Variants in PALLD observed in about 807,000 individuals in gnomAD.
The protein encoded by PALLD is palladin.
A neutral mutation model predicts 123.5 loss-of-function variants in PALLD; 61 were observed. That is an observed-to-expected ratio of 0.49 (90% confidence interval 0.40 to 0.61). PALLD has a LOEUF of 0.61. Ranked by LOEUF, PALLD falls within the 20% of genes least tolerant of loss-of-function variation. The pLI, the probability that PALLD is intolerant of heterozygous loss-of-function variation, is 0.00. For missense variants in PALLD, 1,273 were observed against 1,377.0 expected (o/e 0.92, Z 1.20); for synonymous variants, 465 against 496.4 (o/e 0.94, Z 0.84).
chr4:168,695,389 G>A (rs1441444553), intron 8 of PALLD, among the ~76,000 whole-genome samples: 1 of 152,184 alleles, frequency 6.6e-6, no homozygotes, highest in African/African-American at 2.4e-5. Context: ...CACCAAGAGT[G>A]TGACAGGATG....
chr4:168,577,163 A>G (rs1235001764), intron 2 of PALLD, among the ~76,000 whole-genome samples: 1 of 152,188 alleles, frequency 6.6e-6, no homozygotes, highest in Non-Finnish European at 1.5e-5. Flanking sequence ...AGTGAGGTAC[A>G]GAAACAGCTG....
chr4:168,785,348 TC>T (rs1304555558), intron 10 of PALLD, among the ~76,000 whole-genome samples: 1 of 152,232 alleles, frequency 6.6e-6, no homozygotes, highest in Admixed American at 6.5e-5. Context: ...CTCTACTGGT[TC>T]CAAGTTCACT....
chr4:168,876,958 A>C (rs964426603), intron 10 of PALLD, among the ~76,000 whole-genome samples: 3 of 152,202 alleles, frequency 2.0e-5, no homozygotes, highest in Non-Finnish European at 2.9e-5. Flanking sequence ...CAGAAATAAA[A>C]ATTTGAACTA....
intron 10 of PALLD, among the ~76,000 whole-genome samples, chr4:168,827,132 C>G (rs1283253076): frequency 6.6e-6 from 1 of 152,202 alleles, no homozygotes; most frequent in Non-Finnish European, 1.5e-5. Flanking sequence ...TAAGTACAAA[C>G]AGTCCCATTT....
chr4:168,895,707 G>T (rs1276301032), intron 12 of PALLD, among the ~76,000 whole-genome samples: 1 of 152,220 alleles, frequency 6.6e-6, no homozygotes, highest in East Asian at 1.9e-4. Context: ...AGGGGTTGCA[G>T]AAGCGGAAGA....
intron 10 of PALLD, among the ~76,000 whole-genome samples, chr4:168,785,246 C>T (rs991364982): frequency 9.2e-5 from 14 of 151,958 alleles, no homozygotes; most frequent in East Asian, 5.8e-4. Context: ...TGTGCGCTCT[C>T]GGATGCTAGC....
At chr4:168,810,452 C>T (rs1025002429) in intron 10 of PALLD, among the ~76,000 whole-genome samples, 13 of 151,916 alleles carry the variant, frequency 8.6e-5, no homozygotes, top group Admixed American at 2.6e-4. Context: ...GTCAGGAGTT[C>T]GAGACCAGCC....
intron 10 of PALLD, among the ~76,000 whole-genome samples, chr4:168,789,482 G>A (rs188466084): frequency 7.7e-4 from 117 of 152,158 alleles, no homozygotes; most frequent in African/African-American, 2.6e-3. Context: ...CGAGGCAGGC[G>A]GATCACAAGG....
intron 2 of PALLD, among the ~76,000 whole-genome samples, chr4:168,619,792 G>T (rs564042296): frequency 1.2e-4 from 18 of 152,256 alleles, no homozygotes; most frequent in African/African-American, 4.3e-4. Flanking sequence ...TTCCTTAAAA[G>T]GACTAAATTC....
At chr4:168,586,681 G>C (rs1333054355) in intron 2 of PALLD, among the ~76,000 whole-genome samples, 2 of 152,150 alleles carry the variant, frequency 1.3e-5, no homozygotes, top group Non-Finnish European at 2.9e-5. Flanking sequence ...TGGTGGCAGA[G>C]CTGATTGCTT....
chr4:168,908,299 C>A (rs1758229662), intron 15 of PALLD, among the ~76,000 whole-genome samples: 1 of 152,078 alleles, frequency 6.6e-6, no homozygotes, highest in Non-Finnish European at 1.5e-5. Flanking sequence ...GCATTTAAAC[C>A]ATGACCAGTG....
At chr4:168,840,285 A>G (rs540257355) in intron 10 of PALLD, among the ~76,000 whole-genome samples, 225 of 152,314 alleles carry the variant, frequency 1.5e-3, no homozygotes, top group Middle Eastern at 6.8e-3. Context: ...ACCCAGGAAC[A>G]AGAGATAAGG....
chr4:168,587,837 A>G (rs17054368), intron 2 of PALLD, among the ~76,000 whole-genome samples: 56 of 152,218 alleles, frequency 3.7e-4, no homozygotes, highest in African/African-American at 1.3e-3. Context: ...AACAGCACTC[A>G]GATGATTCAT....
intron 2 of PALLD, among the ~76,000 whole-genome samples, chr4:168,539,536 C>T (rs946825274): frequency 1.7e-4 from 26 of 151,334 alleles, no homozygotes; most frequent in African/African-American, 5.8e-4. Flanking sequence ...TGCAGTGAGC[C>T]GAGATGGCGC....
intron 10 of PALLD, among the ~76,000 whole-genome samples, chr4:168,740,326 CT>C (rs748666753): frequency 6.6e-6 from 1 of 152,332 alleles, no homozygotes; most frequent in Non-Finnish European, 1.5e-5. Flanking sequence ...CTTACTTCTT[CT>C]CTTCAGTGTC....
At chr4:168,772,026 A>G (rs1317928422) in intron 10 of PALLD, among the ~76,000 whole-genome samples, 1 of 152,196 alleles carries the variant, frequency 6.6e-6, no homozygotes, top group Non-Finnish European at 1.5e-5. Context: ...TACTCTATCC[A>G]TTTATGGTTG....
chr4:168,610,230 C>T (rs1773599772), intron 2 of PALLD, among the ~76,000 whole-genome samples: 1 of 152,134 alleles, frequency 6.6e-6, no homozygotes, highest in Non-Finnish European at 1.5e-5. Context: ...CCTTGGCAGT[C>T]TCAGTGTTTT....
At chr4:168,571,880 AT>A (rs1269980937) in intron 2 of PALLD, among the ~76,000 whole-genome samples, 2 of 152,138 alleles carry the variant, frequency 1.3e-5, no homozygotes, top group African/African-American at 4.8e-5. Flanking sequence ...GAGTTACAGC[AT>A]TTTTGTTTAT....
intron 10 of PALLD, among the ~76,000 whole-genome samples, chr4:168,851,316 T>A (rs1429257234): frequency 6.6e-6 from 1 of 152,138 alleles, no homozygotes; most frequent in Non-Finnish European, 1.5e-5. Flanking sequence ...AACTTAATAG[T>A]ACAACTGGCC....
Sources: gnomAD v4.1 joint callset for allele counts (sites outside exome capture counted in the v4.1 genomes callset) on GRCh38, gnomAD v4.1.1 for gene constraint, MANE v1.5 for transcripts, NCBI Gene and HGNC (gene_info 2026-07-23, HGNC 2026-07-21) for gene names.